The following ATAD3B variants were observed in gnomAD, a reference collection of about 807,000 sequenced individuals.
ATAD3B encodes ATPase family AAA domain-containing protein 3B.
Under a neutral mutation model 70.2 loss-of-function variants are expected in ATAD3B, and 59 were observed. The ratio of observed to expected loss-of-function variants is 0.84; its 90% CI spans 0.68 to 1.04. ATAD3B has a LOEUF of 1.04. ATAD3B is among the 50% of genes least tolerant of loss of function. The pLI, the probability that ATAD3B is intolerant of heterozygous loss-of-function variation, is 0.00. For synonymous variants in ATAD3B, 423 were observed against 388.6 expected (o/e 1.09, Z -1.04); for missense variants, 961 against 913.4 (o/e 1.05, Z -0.67).
intron 1 of ATAD3B, among the ~76,000 whole-genome samples, chr1:1,476,076 G>A (rs1381180120): frequency 7.2e-6 from 1 of 139,682 alleles, no homozygotes; most frequent in Non-Finnish European, 1.5e-5. Context: ...TTGGCTTCCC[G>A]AGTTTAGCAG....
chr1:1,489,521 C>T (rs1327437822), intron 13 of ATAD3B: 1 of 974,432 alleles, frequency 1.0e-6, no homozygotes, highest in Non-Finnish European at 1.5e-6. Context: ...GCCGCCCCAG[C>T]TTGCAGGTCC....
intron 15 of ATAD3B, among the ~76,000 whole-genome samples, chr1:1,493,400 G>A (rs372892015): frequency 1.8e-4 from 27 of 151,974 alleles, no homozygotes; most frequent in South Asian, 8.4e-4. Flanking sequence ...TGTGTTTAGG[G>A]CATGTTCTTC....
chr1:1,490,131 G>C, intron 13 of ATAD3B, 126 bp from the exon 14 acceptor site: 1 of 1,467,490 alleles, frequency 6.8e-7, no homozygotes, highest in East Asian at 2.4e-5. Context: ...CATGTTTCCT[G>C]TGCTCACAAG....
intron 15 of ATAD3B, among the ~76,000 whole-genome samples, chr1:1,494,108 C>G (rs1640662304): frequency 6.6e-6 from 1 of 151,998 alleles, no homozygotes; most frequent in South Asian, 2.1e-4. Flanking sequence ...GCACAGAGAG[C>G]TCCCGGGCCC....
Position 1,495,454 on chromosome 1 carries a change from G to A in ATAD3B, c.1615-31G>A, listed in dbSNP as rs372125976. On this transcript the variant is annotated intron_variant, in intron 15 of 15. Coordinates refer to ENST00000673477, the MANE Select transcript of ATAD3B (RefSeq NM_031921.6). ...ATTAAGGGTGGCGGGTTCCCATAGC[G>A]GCCTCCCTCAGCTCCCTCTCTCTTC... is the stretch of plus-strand genomic sequence containing the variant. The A allele has an allele frequency of 1.3e-3, 2,013 of 1,567,580 alleles. 41 individuals are homozygous for A. Among genetic ancestry groups the A allele is most frequent in the Non-Finnish European group, 1.6e-3 (1,837 of 1,152,238 alleles).
intron 5 of ATAD3B, 35 bp downstream of exon 5, chr1:1,480,971 G>C: frequency 6.3e-7 from 1 of 1,584,202 alleles, no homozygotes; most frequent in Non-Finnish European, 8.5e-7. Context: ...GGGCGGAGGT[G>C]GCGGGGGCTG....
downstream of ATAD3B, among the ~76,000 whole-genome samples, chr1:1,502,815 A>G (rs887507287): frequency 1.3e-5 from 2 of 151,102 alleles, no homozygotes; most frequent in Non-Finnish European, 2.9e-5. Context: ...CCCGGCCTAC[A>G]CTGATAACTT....
the ATAD3B span, among the ~76,000 whole-genome samples, chr1:1,508,761 C>A: frequency 6.6e-6 from 1 of 151,184 alleles, no homozygotes; most frequent in South Asian, 2.1e-4. Context: ...CTTGGTGCCA[C>A]CAGCCACGTG....
At chr1:1,489,495 C>T in intron 13 of ATAD3B, 1 of 1,020,766 alleles carries the variant, frequency 9.8e-7, no homozygotes, top group East Asian at 2.7e-5. Context: ...GTCCTGTCTT[C>T]ACGGCCCTGT....
intron 1 of ATAD3B, among the ~76,000 whole-genome samples, chr1:1,476,548 T>G (rs1034782032): frequency 2.0e-5 from 3 of 151,558 alleles, no homozygotes; most frequent in Admixed American, 1.3e-4. Context: ...TCTTGCTGTC[T>G]CCCCCGCTGG....
At chr1:1,484,119 AG>A (rs1640075664) in intron 7 of ATAD3B, 1 of 152,086 alleles carries the variant, frequency 6.6e-6, no homozygotes, top group Non-Finnish European at 1.5e-5. Context: ...TCAAACTCTC[AG>A]GGTTTTATTC....
chr1:1,491,802 T>C (rs1640554231), intron 15 of ATAD3B, among the ~76,000 whole-genome samples: 2 of 151,632 alleles, frequency 1.3e-5, no homozygotes, highest in Admixed American at 6.6e-5. Context: ...TGACAAAGAG[T>C]CCCAGATCTC....
chr1:1,495,255 C>T (rs1366268773), intron 15 of ATAD3B, among the ~76,000 whole-genome samples: 1 of 152,064 alleles, frequency 6.6e-6, no homozygotes, highest in Non-Finnish European at 1.5e-5. Flanking sequence ...ATCAGAAAGT[C>T]ATTGAGCAAC....
chr1:1,480,525 G>A lies in ATAD3B; in HGVS notation c.445-342G>A, dbSNP rs535096257. ...TCACATGTTGCCTGTTGTGGGCATT[G>A]TAGCTTTAACGTTTAATTGGCGGAA... On this transcript the variant is annotated intron_variant, in intron 4 of 15. Transcript: ENST00000673477. 2.7e-4 allele frequency among the ~76,000 whole-genome samples: 40 copies of A among 147,836 alleles called. 4 individuals are homozygous for A. The highest frequency in any genetic ancestry group is 8.8e-4 in the African/African-American group (35 of 39,662).
intron 3 of ATAD3B, 46 bp downstream of exon 3, chr1:1,478,791 G>A: frequency 7.2e-7 from 1 of 1,393,234 alleles, no homozygotes; most frequent in Non-Finnish European, 9.6e-7. Flanking sequence ...GCTGCGGGGA[G>A]CGGCCTGGGG....
downstream of ATAD3B, among the ~76,000 whole-genome samples, chr1:1,499,299 T>G (rs1339407228): frequency 1.4e-5 from 2 of 140,874 alleles, no homozygotes; most frequent in Non-Finnish European, 3.0e-5. Context: ...TTTTTTTTTT[T>G]GGTCTCGGCT....
At chr1:1,500,769 G>T (rs9439436), downstream of ATAD3B, among the ~76,000 whole-genome samples, 3,732 of 150,366 alleles carry the variant, frequency 0.025, 75 homozygotes, top group Admixed American at 0.045. Context: ...CTGGCTAACA[G>T]GGTGAAACCC....
At position 1,485,853 on chromosome 1, in the gene ATAD3B, C is replaced by G; in HGVS notation, c.963+15C>G. 2 of 1,612,928 alleles carry G rather than the reference C, an allele frequency of 1.2e-6. No individual in the cohort carries two copies. Among genetic ancestry groups the G allele is most frequent in the Non-Finnish European group, 1.7e-6 (2 of 1,179,534 alleles). ...TTGTGCTTAGTGTAAGTCGGTGTGCCTGGGACCGGGGAGGTGCAGGGAGGG... is the reference window on the plus strand; with the variant it reads ...TTGTGCTTAGTGTAAGTCGGTGTGCGTGGGACCGGGGAGGTGCAGGGAGGG... On this transcript the variant is annotated intron_variant, in intron 9 of 15. Coordinates refer to ENST00000673477, the MANE Select transcript of ATAD3B (RefSeq NM_031921.6).
chr1:1,489,635 C>T (rs1232822357), intron 13 of ATAD3B: 2 of 1,343,474 alleles, frequency 1.5e-6, no homozygotes, highest in African/African-American at 3.0e-5. Flanking sequence ...TCCAGGCTCC[C>T]TCTTCCCTCC....
Sources: allele counts gnomAD v4.1 joint callset (sites outside exome capture counted in the v4.1 genomes callset), GRCh38; gene constraint gnomAD v4.1.1; transcripts MANE v1.5; gene names NCBI Gene and HGNC (gene_info 2026-07-23, HGNC 2026-07-21).